Variants in STK32B observed in about 807,000 individuals in gnomAD.
STK32B encodes serine/threonine kinase 32B.
In STK32B, 43 loss-of-function variants were observed where a neutral mutation model predicts 52.6. The observed-to-expected ratio is 0.82, with a 90% CI of 0.64 to 1.05. STK32B has a LOEUF of 1.05. Among genes scored for constraint, STK32B ranks in the 50% least tolerant of loss-of-function variants. The pLI is 0.00. For missense variants in STK32B, 621 were observed against 534.6 expected (o/e 1.16, Z -1.59); for synonymous variants, 238 against 204.3 (o/e 1.17, Z -1.41).
intron 2 of STK32B, among the ~76,000 whole-genome samples, chr4:5,155,423 C>T (rs1717738821): frequency 6.6e-6 from 1 of 152,188 alleles, no homozygotes. Context: ...TCCTGCTAAG[C>T]AGTATACATG....
intron 5 of STK32B, among the ~76,000 whole-genome samples, chr4:5,409,845 G>T (rs572722180): frequency 3.9e-5 from 6 of 152,016 alleles, no homozygotes; most frequent in Non-Finnish European, 7.3e-5. Flanking sequence ...CACGACCAAG[G>T]TACAGAAGGA....
At chr4:5,191,352 AC>A (rs1429476012) in intron 3 of STK32B, among the ~76,000 whole-genome samples, 1 of 151,174 alleles carries the variant, frequency 6.6e-6, no homozygotes, top group Non-Finnish European at 1.5e-5. Flanking sequence ...CCGGGTTCAC[AC>A]CATTCTCCTG....
intron 3 of STK32B, among the ~76,000 whole-genome samples, chr4:5,310,020 G>A (rs1009515818): frequency 1.3e-5 from 2 of 152,004 alleles, no homozygotes; most frequent in Admixed American, 1.3e-4. Context: ...ACAAAAATTA[G>A]CCGGGCGTGG....
intron 3 of STK32B, among the ~76,000 whole-genome samples, chr4:5,291,480 C>G (rs1038878054): frequency 5.3e-5 from 8 of 152,044 alleles, no homozygotes; most frequent in African/African-American, 1.9e-4. Context: ...TGTAGAAATA[C>G]AGCTGATTTT....
chr4:5,205,817 T>G (rs944367463), intron 3 of STK32B, among the ~76,000 whole-genome samples: 11 of 152,064 alleles, frequency 7.2e-5, no homozygotes, highest in Non-Finnish European at 1.3e-4. Context: ...ATATCTGTTC[T>G]TGCCTTGGGG....
upstream of STK32B, among the ~76,000 whole-genome samples, chr4:5,051,167 C>T (rs533763389): frequency 2.1e-3 from 323 of 152,228 alleles, 3 homozygotes; most frequent in African/African-American, 6.9e-3. Context: ...GCAGCCGGGG[C>T]CGACTAACCA....
At chr4:5,265,614 A>G (rs149279079) in intron 3 of STK32B, among the ~76,000 whole-genome samples, 20 of 152,326 alleles carry the variant, frequency 1.3e-4, no homozygotes, top group African/African-American at 4.1e-4. Context: ...TGTTTCTAAA[A>G]TATTTGGAGT....
intron 1 of STK32B, among the ~76,000 whole-genome samples, chr4:5,077,018 G>A (rs911853436): frequency 3.3e-5 from 5 of 152,104 alleles, no homozygotes; most frequent in Non-Finnish European, 7.4e-5. Context: ...GCAGTGATAG[G>A]CTCTGGACAG....
At chr4:5,019,455 C>A in the STK32B span, 4 of 1,454,132 alleles carry the variant, frequency 2.8e-6, no homozygotes, top group African/African-American at 3.0e-5. Flanking sequence ...TGGTGCCAGG[C>A]GCTGGTGCAG....
intron 3 of STK32B, among the ~76,000 whole-genome samples, chr4:5,206,472 A>C (rs1180774833): frequency 6.6e-6 from 1 of 152,142 alleles, no homozygotes; most frequent in Non-Finnish European, 1.5e-5. Context: ...AGATCACAGC[A>C]ATCCCCCAGT....
chr4:5,051,684 G>A lies in STK32B; in HGVS notation c.-180G>A. ...TCCCTGCGAGCGCAGTCGGAAGGGC[G>A]TCCAGGAGAAGGGGGACGCCGTCCC... is the stretch of plus-strand genomic sequence containing the variant. On this transcript the variant is annotated 5_prime_UTR_variant, in exon 1 of 12. Coordinates refer to ENST00000282908, the MANE Select transcript of STK32B (RefSeq NM_018401.3). 2.9e-6 allele frequency: 2 copies of A among 699,506 alleles called. No individual in the cohort carries two copies. The allele number at this position is 699,506 out of a possible 1,614,324, so 43.3% of individuals were successfully genotyped here. A position where few individuals can be genotyped will look rare whatever the true frequency, so the allele number is the denominator to read the frequency against.
At chr4:5,366,750 C>T (rs1014716636) in intron 4 of STK32B, among the ~76,000 whole-genome samples, 3 of 152,136 alleles carry the variant, frequency 2.0e-5, no homozygotes, top group Non-Finnish European at 4.4e-5. Flanking sequence ...GAGCTTGATG[C>T]CAGATTCCTT....
At chr4:5,320,746 A>C (rs1182262737) in intron 3 of STK32B, among the ~76,000 whole-genome samples, 1 of 152,220 alleles carries the variant, frequency 6.6e-6, no homozygotes, top group Non-Finnish European at 1.5e-5. Flanking sequence ...GTGTTTGATC[A>C]TGAGGATGGA....
chr4:5,061,657 C>T (rs1288879527), intron 1 of STK32B, among the ~76,000 whole-genome samples: 1 of 152,184 alleles, frequency 6.6e-6, no homozygotes, highest in Non-Finnish European at 1.5e-5. Context: ...AATCATGCTT[C>T]ATCTTAAATC....
intron 3 of STK32B, among the ~76,000 whole-genome samples, chr4:5,240,198 T>C (rs948537206): frequency 2.0e-5 from 3 of 152,148 alleles, no homozygotes; most frequent in African/African-American, 7.2e-5. Context: ...TACTCATCTC[T>C]TCAAATAGTT....
intron 3 of STK32B, among the ~76,000 whole-genome samples, chr4:5,297,738 C>T (rs1729297708): frequency 6.6e-6 from 1 of 151,114 alleles, no homozygotes; most frequent in African/African-American, 2.4e-5. Flanking sequence ...GCTCCTTTAG[C>T]TTGGAGGAGT....
chr4:5,322,858 C>T lies in STK32B; in HGVS notation c.261-8362C>T, dbSNP rs145845099. 2.6e-5 allele frequency among the ~76,000 whole-genome samples: 4 copies of T among 152,316 alleles called. No individual in the cohort carries two copies. In the East Asian group the frequency reaches 7.7e-4, roughly 29 times the overall value. The stretch of plus-strand genomic sequence containing the variant: ...TCCCCCAGCAACAGGCACTGCCTCC[C>T]TCATATGTGTTCACGTGTATTTCAT... On this transcript the variant is annotated intron_variant, in intron 3 of 11. Transcript: ENST00000282908.
chr4:5,315,954 C>T (rs572231920), intron 3 of STK32B, among the ~76,000 whole-genome samples: 4 of 150,522 alleles, frequency 2.7e-5, no homozygotes, highest in Non-Finnish European at 5.9e-5. Context: ...ATCTGCCTGC[C>T]TCGGCCTCCC....
chr4:5,124,675 T>C (rs1715253415), intron 1 of STK32B, among the ~76,000 whole-genome samples: 1 of 152,244 alleles, frequency 6.6e-6, no homozygotes, highest in Non-Finnish European at 1.5e-5. Context: ...GGAACAAGAC[T>C]GTGTGTATGT....
Sources: gnomAD v4.1 joint callset for allele counts (sites outside exome capture counted in the v4.1 genomes callset) on GRCh38, gnomAD v4.1.1 for gene constraint, MANE v1.5 for transcripts, NCBI Gene and HGNC (gene_info 2026-07-23, HGNC 2026-07-21) for gene names.